NRP2: variants seen among roughly 807,000 people sequenced by gnomAD.
NRP2 encodes the protein neuropilin-2.
A neutral mutation model predicts 110.4 loss-of-function variants in NRP2; 52 were observed. The observed-to-expected ratio is 0.47, with a 90% CI of 0.38 to 0.59. The LOEUF is 0.59. Among genes scored for constraint, NRP2 ranks in the 20% least tolerant of loss-of-function variants. The probability of loss-of-function intolerance (pLI) is 0.00; values close to 1 mark genes in which losing one functional copy is unlikely to be tolerated. For missense variants in NRP2, 1,049 were observed against 1,203.0 expected, an observed-to-expected ratio of 0.87 and a Z score of 1.89; for synonymous variants, 508 against 468.9, an observed-to-expected ratio of 1.08 and a Z score of -1.08.
intron 15 of NRP2, chr2:205,776,889 G>C: frequency 1.7e-6 from 2 of 1,205,058 alleles, no homozygotes; most frequent in South Asian, 1.6e-5. Flanking sequence ...CCTCTCAGTG[G>C]GCAGTCTGCC....
At position 205,794,914 on chromosome 2, in the gene NRP2, A is replaced by G; in HGVS notation, c.2637A>G (p.Ala879=). The change falls in exon 17 of 17, where the codon GCA becomes GCG. Residue 879 remains alanine (A), a synonymous_variant. Coordinates refer to ENST00000357785, the MANE Select transcript of NRP2 (RefSeq NM_003872.3). The part of the protein sequence containing the change: ...SLGVLLGATC[A]GLLLYCTCSY... ...GCGTCCTCCTGGGGGCCACCTGTGC[A>G]GGCCTCCTGCTCTACTGCACCTGTT... is the stretch of plus-strand genomic sequence containing the variant. 6.2e-7 allele frequency: 1 copy of G among 1,614,134 alleles called. No homozygotes were observed. Among genetic ancestry groups the G allele is most frequent in the Non-Finnish European group, 8.5e-7 (1 of 1,180,008 alleles).
intron 7 of NRP2, among the ~76,000 whole-genome samples, chr2:205,730,250 T>C (rs2057210674): frequency 6.6e-6 from 1 of 152,192 alleles, no homozygotes; most frequent in African/African-American, 2.4e-5. Context: ...TTCCCCCTCA[T>C]TCACGGTGCG....
At position 205,683,242 on chromosome 2, in the gene NRP2, A is replaced by T. The variant is rs778187703; in HGVS notation, c.-49A>T. On this transcript the variant is annotated 5_prime_UTR_variant, in exon 1 of 17. Transcript: ENST00000357785. Reference sequence around the variant, plus strand: ...AAAAGAGAGAAAAACACAAAGATTTAAACAAGAAACCTACGAACCCAGCTC... The same window carrying T: ...AAAAGAGAGAAAAACACAAAGATTTTAACAAGAAACCTACGAACCCAGCTC... 2.2e-6 allele frequency: 3 copies of T among 1,353,034 alleles called. No individual in the cohort carries two copies. The highest frequency in any genetic ancestry group is 2.4e-5 in the South Asian group (2 of 84,172). 83.8% of individuals were successfully genotyped at this position (1,353,034 alleles called of 1,614,324 possible). A position where few individuals can be genotyped will look rare whatever the true frequency, so the allele number is the denominator to read the frequency against.
chr2:205,734,412 C>A, intron 7 of NRP2, among the ~76,000 whole-genome samples: 1 of 150,686 alleles, frequency 6.6e-6, no homozygotes, highest in African/African-American at 2.5e-5. Context: ...CCCCCCCACC[C>A]CGCATCGCAA....
chr2:205,792,375 G>A (rs762568006), intron 16 of NRP2, 90 bp downstream of exon 16: 22 of 903,256 alleles, frequency 2.4e-5, no homozygotes, highest in Non-Finnish European at 3.9e-5. Flanking sequence ...GTATCGGAGG[G>A]CCCAAATCTA....
rs2058342029 is a variant in NRP2, at chr2:205,795,259, C to T, written c.*201C>T. On this transcript the variant is annotated 3_prime_UTR_variant, in exon 17 of 17. Coordinates refer to ENST00000357785, the MANE Select transcript of NRP2 (RefSeq NM_003872.3). ...ACAGGGGATGATTACCCTCCTAGGA[C>T]CGCGGTGGCTAAGTCATTGCAGGAA... 1.6e-6 allele frequency: 1 copy of T among 616,984 alleles called. No homozygotes were observed. The highest frequency in any genetic ancestry group is 1.8e-5 in the African/African-American group (1 of 55,012). The allele number at this position is 616,984 out of a possible 1,614,324, so 38.2% of individuals were successfully genotyped here.
intron 15 of NRP2, among the ~76,000 whole-genome samples, chr2:205,783,900 A>G (rs2058205940): frequency 6.6e-6 from 1 of 151,750 alleles, no homozygotes; most frequent in African/African-American, 2.4e-5. Flanking sequence ...CCTGCCAAAA[A>G]TCCAGGACCA....
rs998973803 is a variant in NRP2 at position 205,745,834 on chromosome 2, G to A, written c.1730G>A (p.Arg577Lys). Reference protein sequence around the residue: ...PAQYVRVYPERWSPAGIGMRL... With the variant: ...PAQYVRVYPEKWSPAGIGMRL... Reference sequence around the variant, plus strand: ...CAGTATGTGCGGGTATACCCGGAGAGGTGGTCGCCGGCGGGGATTGGGATG... The same window carrying A: ...CAGTATGTGCGGGTATACCCGGAGAAGTGGTCGCCGGCGGGGATTGGGATG... The change falls in exon 10 of 17, where the codon AGG becomes AAG. Residue 577 changes from arginine (R) to lysine (K), a missense_variant. Arg to Lys is a conservative substitution (Grantham distance 26). Transcript: ENST00000357785. 1.9e-6 allele frequency: 3 copies of A among 1,614,084 alleles called. No individual in the cohort carries two copies. The highest frequency in any genetic ancestry group is 1.7e-5 in the Admixed American group (1 of 60,016).
intron 5 of NRP2, among the ~76,000 whole-genome samples, chr2:205,724,222 T>C (rs2057079845): frequency 6.6e-6 from 1 of 152,222 alleles, no homozygotes; most frequent in Non-Finnish European, 1.5e-5. Flanking sequence ...CATACCTCAG[T>C]TTCCTCATCT....
chr2:205,722,919 G>C (rs2105812630), intron 4 of NRP2, among the ~76,000 whole-genome samples: 1 of 152,312 alleles, frequency 6.6e-6, no homozygotes, highest in Admixed American at 6.5e-5. Context: ...TTTAGAAAAG[G>C]ATAGGAGACT....
At chr2:205,720,793 G>C (rs1330969111) in intron 3 of NRP2, among the ~76,000 whole-genome samples, 2 of 152,288 alleles carry the variant, frequency 1.3e-5, no homozygotes, top group African/African-American at 2.4e-5. Context: ...AGCTGGGGGA[G>C]GCAGCCCCAG....
At chr2:205,720,223 A>G (rs2056982301) in intron 3 of NRP2, among the ~76,000 whole-genome samples, 1 of 150,754 alleles carries the variant, frequency 6.6e-6, no homozygotes, top group African/African-American at 2.4e-5. Flanking sequence ...CAAAGGATAT[A>G]CCCATTTATA....
At chr2:205,766,931 C>T in intron 15 of NRP2, 128 bp downstream of exon 15, 2 of 797,964 alleles carry the variant, frequency 2.5e-6, no homozygotes, top group Admixed American at 2.1e-5. Flanking sequence ...AGAGACGCCA[C>T]ACCTTCCTGC....
chr2:205,684,127 C>CA (rs2056085873), intron 1 of NRP2, among the ~76,000 whole-genome samples: 1 of 152,138 alleles, frequency 6.6e-6, no homozygotes, highest in Non-Finnish European at 1.5e-5. Context: ...CAACCACTGC[C>CA]AAAAAGGGTG....
intron 2 of NRP2, among the ~76,000 whole-genome samples, chr2:205,698,194 T>G (rs2056476257): frequency 6.7e-6 from 1 of 150,286 alleles, no homozygotes; most frequent in Non-Finnish European, 1.5e-5. Flanking sequence ...TAGCGGTAAC[T>G]GGTTTTCTTA....
At position 205,743,243 on chromosome 2, in the gene NRP2, C is replaced by G. The variant is rs772852411; in HGVS notation, c.1332C>G (p.Leu444=). The G allele has an allele frequency of 6.2e-7, 1 of 1,614,004 alleles. No individual in the cohort carries two copies. The highest frequency in any genetic ancestry group is 1.1e-5 in the South Asian group (1 of 91,084). The change falls in exon 9 of 17, where the codon CTC becomes CTG. Residue 444 remains leucine, a synonymous_variant. Transcript: ENST00000357785. ...CSNMLGMLSG[L]IADSQISASS... ...ACATGCTGGGGATGCTCTCAGGCCT[C>G]ATTGCAGACTCCCAGATCTCCGCCT... is the stretch of plus-strand genomic sequence containing the variant.
chr2:205,689,111 A>G (rs2056247423), intron 1 of NRP2, among the ~76,000 whole-genome samples: 1 of 152,202 alleles, frequency 6.6e-6, no homozygotes, highest in African/African-American at 2.4e-5. Context: ...GCACAGGCAG[A>G]GAAAAGGGGG....
intron 7 of NRP2, among the ~76,000 whole-genome samples, chr2:205,733,341 A>C (rs1263651117): frequency 6.6e-6 from 1 of 152,238 alleles, no homozygotes; most frequent in African/African-American, 2.4e-5. Flanking sequence ...GGCTGTGCAC[A>C]GAGGCCAGTG....
intron 10 of NRP2, among the ~76,000 whole-genome samples, chr2:205,748,182 AT>A (rs2105886317): frequency 6.6e-6 from 1 of 152,070 alleles, no homozygotes; most frequent in East Asian, 1.9e-4. Context: ...GCTACCTAAC[AT>A]TTCCAGAAAC....
Sources: allele counts gnomAD v4.1 joint callset (sites outside exome capture counted in the v4.1 genomes callset), GRCh38; gene constraint gnomAD v4.1.1; transcripts MANE v1.5; gene names NCBI Gene and HGNC (gene_info 2026-07-23, HGNC 2026-07-21).